The following KLRF2 variants were observed in gnomAD, a reference collection of about 807,000 sequenced individuals.
KLRF2 encodes the protein killer cell lectin like receptor F2.
In KLRF2, 28 loss-of-function variants were observed where a neutral mutation model predicts 25.3. The observed-to-expected ratio is 1.11, with a 90% CI of 0.82 to 1.52. KLRF2 has a LOEUF of 1.52. Among genes scored for constraint, KLRF2 ranks in the 40% most tolerant of loss-of-function variants. The pLI, the probability that KLRF2 is intolerant of heterozygous loss-of-function variation, is 0.00. For synonymous variants in KLRF2, 73 were observed against 85.0 expected (o/e 0.86, Z 0.78); for missense variants, 265 against 245.8 (o/e 1.08, Z -0.52).
intron 2 of KLRF2, among the ~76,000 whole-genome samples, chr12:9,887,791 C>T (rs1207704639): frequency 6.7e-6 from 1 of 149,150 alleles, no homozygotes; most frequent in Non-Finnish European, 1.5e-5. Context: ...GGAGCTCATG[C>T]CTGTAATCCC....
intron 2 of KLRF2, among the ~76,000 whole-genome samples, 200 bp downstream of exon 2, chr12:9,885,232 C>T (rs572291591): frequency 6.6e-6 from 1 of 151,606 alleles, no homozygotes; most frequent in East Asian, 1.9e-4. Context: ...TAAAGAACCC[C>T]CAATAGAGGT....
intron 2 of KLRF2, among the ~76,000 whole-genome samples, chr12:9,888,280 G>T (rs1394332446): frequency 6.6e-6 from 1 of 151,676 alleles, no homozygotes; most frequent in African/African-American, 2.4e-5. Context: ...CACGAGGTCA[G>T]GAGATCGAGA....
intron 3 of KLRF2, among the ~76,000 whole-genome samples, chr12:9,890,090 C>G (rs1215174979): frequency 6.6e-6 from 1 of 152,068 alleles, no homozygotes; most frequent in Non-Finnish European, 1.5e-5. Context: ...TCATCACTCC[C>G]TCAAACTAGA....
chr12:9,891,819 T>C (rs1862679193), intron 3 of KLRF2, among the ~76,000 whole-genome samples: 1 of 152,202 alleles, frequency 6.6e-6, no homozygotes. Context: ...GGTTACTTTT[T>C]TAATCTTAGC....
chr12:9,886,007 G>C, intron 2 of KLRF2, among the ~76,000 whole-genome samples: 1 of 151,948 alleles, frequency 6.6e-6, no homozygotes. Context: ...ACCTTTACAG[G>C]CCACTCTGCT....
intron 2 of KLRF2, 120 bp downstream of exon 2, chr12:9,885,152 A>G (rs1868135923): frequency 2.9e-6 from 1 of 345,078 alleles, no homozygotes; most frequent in African/African-American, 2.1e-5. Flanking sequence ...GTCATATTAT[A>G]AAATTATATT....
intron 2 of KLRF2, among the ~76,000 whole-genome samples, chr12:9,885,333 GTATA>G (rs35466208): frequency 1.3e-4 from 19 of 149,144 alleles, no homozygotes; most frequent in Admixed American, 6.7e-4. Flanking sequence ...CATTATTTAA[GTATA>G]TATATATATA....
At chr12:9,886,553 G>A (rs149536397) in intron 2 of KLRF2, among the ~76,000 whole-genome samples, 22 of 152,250 alleles carry the variant, frequency 1.4e-4, no homozygotes, top group African/African-American at 5.1e-4. Flanking sequence ...TTTCAGAGAG[G>A]AGAGTCAGAG....
intron 1 of KLRF2, among the ~76,000 whole-genome samples, chr12:9,884,675 G>A (rs2136994422): frequency 6.7e-6 from 1 of 149,500 alleles, no homozygotes; most frequent in Non-Finnish European, 1.5e-5. Flanking sequence ...AATTTATATG[G>A]AATTTAAGAC....
chr12:9,882,647 G>A (rs1868106196), intron 1 of KLRF2, among the ~76,000 whole-genome samples: 2 of 152,264 alleles, frequency 1.3e-5, no homozygotes, highest in African/African-American at 4.8e-5. Context: ...TGGGTATGGT[G>A]GCGTGTGCCT....
At chr12:9,885,612 G>A (rs1021030697) in intron 2 of KLRF2, among the ~76,000 whole-genome samples, 23 of 151,886 alleles carry the variant, frequency 1.5e-4, no homozygotes, top group Admixed American at 1.4e-3. Context: ...TAGCGTAGAA[G>A]ATCCTTTACT....
At chr12:9,881,914 A>T (rs11053495) in intron 1 of KLRF2, among the ~76,000 whole-genome samples, 23,029 of 152,136 alleles carry the variant, frequency 0.15, 3,022 homozygotes, top group African/African-American at 0.34. Context: ...GCATAAGAAC[A>T]TCACTTTCGA....
chr12:9,882,617 A>T (rs1868105823), intron 1 of KLRF2, among the ~76,000 whole-genome samples: 2 of 152,036 alleles, frequency 1.3e-5, no homozygotes, highest in Non-Finnish European at 2.9e-5. Context: ...GTCTCTACTA[A>T]AAATACAAAA....
At chr12:9,884,640 A>G (rs1304389301) in intron 1 of KLRF2, among the ~76,000 whole-genome samples, 4 of 148,998 alleles carry the variant, frequency 2.7e-5, no homozygotes, top group African/African-American at 9.8e-5. Flanking sequence ...TATTTATATC[A>G]TATATAATAT....
At chr12:9,887,952 A>C (rs1591777225) in intron 2 of KLRF2, among the ~76,000 whole-genome samples, 1 of 151,218 alleles carries the variant, frequency 6.6e-6, no homozygotes, top group Admixed American at 6.6e-5. Flanking sequence ...ACTACTTGGG[A>C]AGCTGAGGCA....
chr12:9,882,548 T>G (rs1450594915), intron 1 of KLRF2, among the ~76,000 whole-genome samples: 1 of 151,922 alleles, frequency 6.6e-6, no homozygotes, highest in Non-Finnish European at 1.5e-5. Context: ...GATGCAGAGG[T>G]GGGCGGGTCA....
Position 9,881,585 on chromosome 12 carries a change from C to A in KLRF2, c.-11C>A, listed in dbSNP as rs1373160002. 6.6e-7 allele frequency: 1 copy of A among 1,516,416 alleles called. No homozygotes were observed. The highest frequency in any genetic ancestry group is 8.9e-7 in the Non-Finnish European group (1 of 1,129,454). 93.9% of individuals were successfully genotyped at this position (1,516,416 alleles called of 1,614,324 possible). ...ATTTTCTGGATAATAAGACATTAGA[C>A]ATTTGAAGAGATGGAGAATGAAGAT... is the stretch of plus-strand genomic sequence containing the variant. On this transcript the variant is annotated 5_prime_UTR_variant, in exon 1 of 6. Transcript: ENST00000535540.
intron 1 of KLRF2, among the ~76,000 whole-genome samples, chr12:9,882,515 T>C (rs1591775120): frequency 6.6e-6 from 1 of 152,180 alleles, no homozygotes; most frequent in Non-Finnish European, 1.5e-5. Context: ...CGGTGGCTCA[T>C]GCCTGTAATC....
At chr12:9,892,957 A>T in intron 3 of KLRF2, 63 bp from the exon 4 acceptor site, 1 of 1,285,896 alleles carries the variant, frequency 7.8e-7, no homozygotes, top group South Asian at 1.5e-5. Context: ...CACATTTGAT[A>T]ATATTTCTAT....
Sources: gnomAD v4.1 joint callset for allele counts (sites outside exome capture counted in the v4.1 genomes callset) on GRCh38, gnomAD v4.1.1 for gene constraint, MANE v1.5 for transcripts, NCBI Gene and HGNC (gene_info 2026-07-23, HGNC 2026-07-21) for gene names.